Variants in PADI6 observed in about 807,000 individuals in gnomAD.
The protein encoded by PADI6 is peptidyl arginine deiminase 6, also known as inactive protein-arginine deiminase type-6.
PADI6 carries 66 observed loss-of-function variants against 78.2 expected under a neutral mutation model. The ratio of observed to expected loss-of-function variants is 0.84; its 90% CI spans 0.69 to 1.04. The LOEUF (loss-of-function observed/expected upper bound fraction) is 1.04. Among genes scored for constraint, PADI6 ranks in the 50% least tolerant of loss-of-function variants. The pLI is 0.00. For missense variants in PADI6, 854 were observed against 866.1 expected, an observed-to-expected ratio of 0.99 and a Z score of 0.18; for synonymous variants, 397 against 346.9, an observed-to-expected ratio of 1.14 and a Z score of -1.60.
At chr1:17,399,537 T>C (rs1306661934) in intron 15 of PADI6, among the ~76,000 whole-genome samples, 1 of 151,662 alleles carries the variant, frequency 6.6e-6, no homozygotes, top group Non-Finnish European at 1.5e-5. Flanking sequence ...AGAGGTTGCA[T>C]TGAGCCTAGA....
At chr1:17,394,761 C>CT (rs1022654645) in intron 11 of PADI6, among the ~76,000 whole-genome samples, 190 bp from the exon 12 acceptor site, 4 of 152,138 alleles carry the variant, frequency 2.6e-5, no homozygotes, top group Admixed American at 1.3e-4. Context: ...GCTTGTCTGT[C>CT]TAGAAACACT....
rs1435853271 is a variant in PADI6, at chr1:17,398,704, C to A, written c.1708C>A (p.Arg570Ser). Residue 570 changes from arginine to serine, a missense_variant, in exon 15 of 16, where the codon CGT (arginine) becomes AGT (serine). By Grantham distance (110) the Arg-to-Ser change is moderately radical (BLOSUM62 -1). Transcript: ENST00000619609. ...CCCACAGAAGTGCATTCACCTGAAC[C>A]GTGACATCCTGAAGACGGAGCTGGG... ...EYVEKCIHLN[R>S]DILKTELGLV... 3 of 1,324,092 alleles carry A rather than the reference C, an allele frequency of 2.3e-6. No individual in the cohort carries two copies. Among genetic ancestry groups the A allele is most frequent in the Non-Finnish European group, 3.0e-6 (3 of 999,816 alleles). 82.0% of individuals were successfully genotyped at this position (1,324,092 alleles called of 1,614,324 possible).
Position 17,372,368 on chromosome 1 carries a change from T to C in PADI6, c.116+7T>C. The C allele has an allele frequency of 6.2e-7, 1 of 1,613,450 alleles. No individual in the cohort carries two copies. The highest frequency in any genetic ancestry group is 8.5e-7 in the Non-Finnish European group (1 of 1,179,434). On this transcript the variant is annotated splice_region_variant and intron_variant, in intron 1 of 15. Coordinates refer to ENST00000619609, the MANE Select transcript of PADI6 (RefSeq NM_207421.4). The stretch of plus-strand genomic sequence containing the variant: ...TCTGCTTGGATCTCAGCGGGTGAGA[T>C]GCTGGGAGCTCTGCCAGAGGTGGCA...
At chr1:17,391,914 G>A (rs981779137) in intron 8 of PADI6, among the ~76,000 whole-genome samples, 200 bp from the exon 9 acceptor site, 4 of 152,254 alleles carry the variant, frequency 2.6e-5, no homozygotes, top group Non-Finnish European at 4.4e-5. Flanking sequence ...CATGGGCAAA[G>A]CTGAGTAGTG....
chr1:17,377,619 C>T (rs1328221861), intron 3 of PADI6, among the ~76,000 whole-genome samples: 1 of 152,230 alleles, frequency 6.6e-6, no homozygotes, highest in Non-Finnish European at 1.5e-5. Flanking sequence ...TAGGCGGTAG[C>T]TCCATCCTTC....
rs377549636 is a variant in PADI6 at position 17,401,429 on chromosome 1, G to A, written c.2076G>A (p.Met692Ile). The A allele has an allele frequency of 1.9e-5, 31 of 1,613,672 alleles. No individual in the cohort carries two copies. Among genetic ancestry groups the A allele is most frequent in the Non-Finnish European group, 2.6e-5 (31 of 1,179,806 alleles). Residue 692 changes from methionine to isoleucine, a missense_variant, in exon 16 of 16, where the codon ATG becomes ATA. Met to Ile is a conservative substitution (Grantham distance 10). Coordinates refer to ENST00000619609, the MANE Select transcript of PADI6 (RefSeq NM_207421.4). The stretch of plus-strand genomic sequence containing the variant: ...CCTTTGCCTTCAAATGGTGGAAGAT[G>A]GTACCTTAGACCCAGGCCCTGGAGC... The part of the protein sequence containing the change: ...RVPFAFKWWK[M>I]VP
intron 6 of PADI6, among the ~76,000 whole-genome samples, chr1:17,387,962 C>A (rs1260097936): frequency 6.6e-6 from 1 of 152,178 alleles, no homozygotes. Context: ...TTTCTAGCAT[C>A]AGTAAGTGAT....
In PADI6 at chr1:17,373,155, C is replaced by T. The variant is rs749747449; in HGVS notation, c.216C>T (p.Thr72=). 2 of 1,614,002 alleles carry T rather than the reference C, an allele frequency of 1.2e-6. No individual in the cohort carries two copies. The highest frequency in any genetic ancestry group is 1.7e-6 in the Non-Finnish European group (2 of 1,179,876). The change falls in exon 2 of 16, where the codon ACC becomes ACT. Residue 72 remains threonine, a synonymous_variant. Coordinates refer to ENST00000619609, the MANE Select transcript of PADI6 (RefSeq NM_207421.4). The part of the protein sequence containing the change: ...NTVISEKEDA[T]IWWPLSDPTY... Reference sequence around the variant, plus strand: ...TGATTTCTGAGAAGGAGGACGCCACCATCTGGTGGCCCCTGTCTGATCCCA... The same window carrying T: ...TGATTTCTGAGAAGGAGGACGCCACTATCTGGTGGCCCCTGTCTGATCCCA...
chr1:17,394,469 C>A lies in PADI6; in HGVS notation c.1337+15C>A. On this transcript the variant is annotated intron_variant, in intron 11 of 15. Coordinates refer to ENST00000619609, the MANE Select transcript of PADI6 (RefSeq NM_207421.4). The stretch of plus-strand genomic sequence containing the variant: ...TTTTACCCCAGGTGAGCCACAAAGC[C>A]AGACGCCTCCAAATGAAAGGAAGGG... The A allele has an allele frequency of 1.2e-6, 2 of 1,609,340 alleles. No individual in the cohort carries two copies. The highest frequency in any genetic ancestry group is 2.2e-5 in the South Asian group (2 of 90,640).
rs2075289740 is a variant in PADI6, at chr1:17,400,451, G to A, written c.1852-754G>A. On this transcript the variant is annotated intron_variant, in intron 15 of 15. Coordinates refer to ENST00000619609, the MANE Select transcript of PADI6 (RefSeq NM_207421.4). ...GAACCTGGGAGGTGGAGGTTGCAGT[G>A]AGCGGAGATCACCCTGTTGCACTCC... 2.0e-5 allele frequency among the ~76,000 whole-genome samples: 3 copies of A among 152,342 alleles called. No homozygotes were observed. The Middle Eastern group carries it at 0.01, about 518-fold the overall frequency.
chr1:17,387,461 G>A (rs2265728), intron 6 of PADI6, among the ~76,000 whole-genome samples: 3,741 of 151,462 alleles, frequency 0.025, 97 homozygotes, highest in African/African-American at 0.061. Flanking sequence ...GAAAAGGAGG[G>A]GGGGGGGCCA....
At chr1:17,381,256 C>T (rs1481623181) in intron 5 of PADI6, 92 bp downstream of exon 5, 4 of 968,420 alleles carry the variant, frequency 4.1e-6, no homozygotes, top group South Asian at 1.6e-5. Flanking sequence ...TTCTCCACCC[C>T]ACCCCCGACA....
Position 17,401,362 on chromosome 1 carries a change from A to G in PADI6, c.2009A>G (p.Glu670Gly). Residue 670 changes from glutamate (E) to glycine (G), a missense_variant, in exon 16 of 16, where the codon GAG becomes GGG. Coordinates refer to ENST00000619609, the MANE Select transcript of PADI6 (RefSeq NM_207421.4). Reference sequence around the variant, plus strand: ...AATGACTTTGACTGTTACCTGACAGAGGTCGGAGACATCTGTGCCTGTGCC... The same window carrying G: ...AATGACTTTGACTGTTACCTGACAGGGGTCGGAGACATCTGTGCCTGTGCC... The part of the protein sequence containing the change: ...FINDFDCYLT[E>G]VGDICACANI... The G allele has an allele frequency of 6.2e-7, 1 of 1,614,086 alleles. No individual in the cohort carries two copies. The highest frequency in any genetic ancestry group is 8.5e-7 in the Non-Finnish European group (1 of 1,179,912).
chr1:17,386,700 C>G (rs919519971), intron 6 of PADI6, among the ~76,000 whole-genome samples: 2 of 152,136 alleles, frequency 1.3e-5, no homozygotes, highest in Admixed American at 1.3e-4. Flanking sequence ...AGTTCCCTCA[C>G]AGCCAGCAGC....
chr1:17,382,304 C>T (rs775868492), intron 6 of PADI6, among the ~76,000 whole-genome samples: 1 of 152,190 alleles, frequency 6.6e-6, no homozygotes, highest in Non-Finnish European at 1.5e-5. Context: ...TGAGTTATTG[C>T]ACCTCTAAGC....
chr1:17,389,476 TAGGTCC>T (rs1040388474), intron 8 of PADI6, among the ~76,000 whole-genome samples: 1 of 152,156 alleles, frequency 6.6e-6, no homozygotes, highest in Non-Finnish European at 1.5e-5. Flanking sequence ...GCACACATCC[TAGGTCC>T]AGGCCCGGGC....
chr1:17,375,975 C>CTTTTTTTTTTTTTTTTTTTTTTTTTTT (rs575076756), intron 3 of PADI6, among the ~76,000 whole-genome samples: 5 of 150,340 alleles, frequency 3.3e-5, no homozygotes, highest in African/African-American at 9.9e-5. Flanking sequence ...ATAACATCTA[C>CTTTTTTTTTTTTTTTTTTTTTTTTTTT]TTTTTTTTTC....
chr1:17,398,648 T>TCCCCTGCCCCCCCCC, intron 14 of PADI6, 38 bp from the exon 15 acceptor site: 2 of 193,328 alleles, frequency 1.0e-5, no homozygotes, highest in Non-Finnish European at 1.8e-5. Context: ...CTCTCCTTGC[T>TCCCCTGCCCCCCCCC]CCCCCGCCCC....
intron 8 of PADI6, 29 bp from the exon 9 acceptor site, chr1:17,392,085 T>C: frequency 6.5e-7 from 1 of 1,545,788 alleles, no homozygotes; most frequent in Non-Finnish European, 8.8e-7. Flanking sequence ...TCGAAAGCCT[T>C]CCCAGAACTG....
Sources: allele counts gnomAD v4.1 joint callset (sites outside exome capture counted in the v4.1 genomes callset), GRCh38; gene constraint gnomAD v4.1.1; transcripts MANE v1.5; gene names NCBI Gene and HGNC (gene_info 2026-07-23, HGNC 2026-07-21).